Variants in RGP1 observed in about 807,000 individuals in gnomAD.
RGP1 encodes RAB6A-GEF complex partner protein 2.
A neutral mutation model predicts 44.5 loss-of-function variants in RGP1; 28 were observed. That is an observed-to-expected ratio of 0.63 (90% CI 0.47 to 0.86). The LOEUF (loss-of-function observed/expected upper bound fraction) is 0.86, where lower values mean the gene tolerates loss of function less well. RGP1 is among the 40% of genes least tolerant of loss of function. RGP1 has a pLI of 0.00. For synonymous variants in RGP1, 212 were observed against 196.7 expected (o/e 1.08, Z -0.65); for missense variants, 417 against 490.7 (o/e 0.85, Z 1.42).
intron 8 of RGP1, 110 bp downstream of exon 8, chr9:35,752,255 G>A (rs1570249): frequency 0.42 from 448,044 of 1,076,546 alleles, 94,681 homozygotes; most frequent in Middle Eastern, 0.49. Flanking sequence ...ACATACCCAC[G>A]TCTAGCCTCT....
At position 35,753,625 on chromosome 9, in the gene RGP1, A is replaced by G. The variant is rs370886353; in HGVS notation, c.*751A>G. On this transcript the variant is annotated 3_prime_UTR_variant, in exon 9 of 9. Coordinates refer to ENST00000378078, the MANE Select transcript of RGP1 (RefSeq NM_001080496.3). The surrounding 1 kb of genome is among the most constrained non-coding windows in gnomAD (Gnocchi z 4.2). ...TGGTCATCCCTCAGTCACTCATATC[A>G]GAGTCATTCTCTCTGGCCATCTTTG... 2.4e-5 allele frequency: 37 copies of G among 1,519,508 alleles called. No homozygotes were observed. In the African/African-American group the frequency reaches 4.5e-4, roughly 19 times the overall value. 94.1% of individuals were successfully genotyped at this position (1,519,508 alleles called of 1,614,324 possible). A position where few individuals can be genotyped will look rare whatever the true frequency, so the allele number is the denominator to read the frequency against.
chr9:35,749,465 G>A lies in RGP1; in HGVS notation c.-20+57G>A, dbSNP rs1827184976. 2.5e-5 allele frequency: 16 copies of A among 628,562 alleles called. No individual in the cohort carries two copies. The highest frequency in any genetic ancestry group is 2.7e-4 in the Middle Eastern group (1 of 3,704). 38.9% of individuals were successfully genotyped at this position (628,562 alleles called of 1,614,324 possible). The stretch of plus-strand genomic sequence containing the variant: ...GTGGAACTTTGAGGAAAGGGGGAGC[G>A]GAGGCCAGTTTGGGAACTCCGCGGG... On this transcript the variant is annotated intron_variant, in intron 1 of 8. Transcript: ENST00000378078. This position sits in a 1 kb window ranked among gnomAD's most constrained non-coding sequence, Gnocchi z 4.4.
chr9:35,754,107 G>T lies in RGP1; in HGVS notation c.*1233G>T. 1.2e-6 allele frequency: 2 copies of T among 1,613,414 alleles called. No homozygotes were observed. The highest frequency in any genetic ancestry group is 1.7e-6 in the Non-Finnish European group (2 of 1,179,640). The stretch of plus-strand genomic sequence containing the variant: ...TCCTAGGATCCCCTTGGCCTGTCCA[G>T]CCCAGAGCATCCTTAGGGCCATTGC... On this transcript the variant is annotated 3_prime_UTR_variant, in exon 9 of 9. Coordinates refer to ENST00000378078, the MANE Select transcript of RGP1 (RefSeq NM_001080496.3).
the RGP1 span, among the ~76,000 whole-genome samples, chr9:35,773,794 G>A: frequency 6.6e-6 from 1 of 151,754 alleles, no homozygotes; most frequent in Non-Finnish European, 1.5e-5. Flanking sequence ...GAGCCACCGA[G>A]CCCAGCCCCA....
the RGP1 span, among the ~76,000 whole-genome samples, chr9:35,782,277 TAGAA>T: frequency 6.6e-6 from 1 of 152,168 alleles, no homozygotes; most frequent in East Asian, 1.9e-4. Context: ...AAATAATTAT[TAGAA>T]GGAAGATTTA....
At chr9:35,765,982 C>A in the RGP1 span, among the ~76,000 whole-genome samples, 1 of 151,248 alleles carries the variant, frequency 6.6e-6, no homozygotes. Flanking sequence ...CTACAGGTAC[C>A]CGTCCCCATA....
the RGP1 span, among the ~76,000 whole-genome samples, chr9:35,789,646 C>T: frequency 4.0e-5 from 6 of 149,522 alleles, no homozygotes; most frequent in Admixed American, 1.3e-4. Context: ...ACATATGATG[C>T]ACTTGTACTT....
At chr9:35,762,734 A>C (rs530156181), downstream of RGP1, among the ~76,000 whole-genome samples, 21 of 152,302 alleles carry the variant, frequency 1.4e-4, no homozygotes, top group South Asian at 3.9e-3. Context: ...AATGAAGGCT[A>C]GCTGGGGCTC....
Position 35,749,326 on chromosome 9 carries a change from C to T in RGP1, c.-102C>T, listed in dbSNP as rs1278395574. 5.7e-6 allele frequency: 3 copies of T among 528,228 alleles called. No individual in the cohort carries two copies. The highest frequency in any genetic ancestry group is 1.4e-5 in the South Asian group (1 of 70,928). The allele number at this position is 528,228 out of a possible 1,614,324, so 32.7% of individuals were successfully genotyped here. ...CGCCCAGCGGACGCCGCCGCCGCCG[C>T]CGCCGCCGCGTACCTAGCCAGGTCC... On this transcript the variant is annotated 5_prime_UTR_variant, in exon 1 of 9. Coordinates refer to ENST00000378078, the MANE Select transcript of RGP1 (RefSeq NM_001080496.3). This position sits in a 1 kb window ranked among gnomAD's most constrained non-coding sequence, Gnocchi z 4.4.
chr9:35,789,758 G>A, the RGP1 span, among the ~76,000 whole-genome samples: 1 of 152,168 alleles, frequency 6.6e-6, no homozygotes, highest in African/African-American at 2.4e-5. Flanking sequence ...TGTAAGCACA[G>A]CTTTCTACAG....
At chr9:35,768,243 G>A in the RGP1 span, among the ~76,000 whole-genome samples, 1 of 151,830 alleles carries the variant, frequency 6.6e-6, no homozygotes, top group Non-Finnish European at 1.5e-5. Flanking sequence ...TGTGTTTTTT[G>A]TAGAGATGAG....
the RGP1 span, among the ~76,000 whole-genome samples, chr9:35,787,838 T>C: frequency 6.6e-6 from 1 of 152,272 alleles, no homozygotes; most frequent in African/African-American, 2.4e-5. Context: ...TACCTTTCTA[T>C]GGCTGTTCTC....
At chr9:35,772,983 C>T in the RGP1 span, among the ~76,000 whole-genome samples, 2 of 152,088 alleles carry the variant, frequency 1.3e-5, no homozygotes, top group African/African-American at 4.8e-5. Context: ...TAAGTGGAGA[C>T]TACAGACCTA....
rs1827381356 is a variant in RGP1 at position 35,757,864 on chromosome 9, A to C, written c.*4990A>C. On this transcript the variant is annotated 3_prime_UTR_variant, in exon 9 of 9. Coordinates refer to ENST00000378078, the MANE Select transcript of RGP1 (RefSeq NM_001080496.3). ...ATCTGCACATTTTTATAGTCATTTA[A>C]AATTGTATGACTCTGTCAAATGATT... The C allele has an allele frequency of 6.6e-6, 1 of 152,202 alleles. No individual in the cohort carries two copies. The highest frequency in any genetic ancestry group is 1.5e-5 in the Non-Finnish European group (1 of 68,042). The allele number at this position is 152,202 out of a possible 1,614,324, so 9.4% of individuals were successfully genotyped here.
At chr9:35,788,292 G>A in the RGP1 span, among the ~76,000 whole-genome samples, 1 of 152,192 alleles carries the variant, frequency 6.6e-6, no homozygotes, top group Non-Finnish European at 1.5e-5. Flanking sequence ...TTTGGGGCCG[G>A]GCGTGGTGGC....
In RGP1 at chr9:35,757,865, A is replaced by G. The variant is rs1315234405; in HGVS notation, c.*4991A>G. Reference sequence around the variant, plus strand: ...TCTGCACATTTTTATAGTCATTTAAAATTGTATGACTCTGTCAAATGATTT... The same window carrying G: ...TCTGCACATTTTTATAGTCATTTAAGATTGTATGACTCTGTCAAATGATTT... On this transcript the variant is annotated 3_prime_UTR_variant, in exon 9 of 9. Coordinates refer to ENST00000378078, the MANE Select transcript of RGP1 (RefSeq NM_001080496.3). The G allele has an allele frequency of 6.6e-6, 1 of 152,212 alleles. No homozygotes were observed. Among genetic ancestry groups the G allele is most frequent in the Non-Finnish European group, 1.5e-5 (1 of 68,034 alleles). The allele number at this position is 152,212 out of a possible 1,614,324, so 9.4% of individuals were successfully genotyped here.
In RGP1 at chr9:35,752,140, C is replaced by T; in HGVS notation, c.947C>T (p.Ala316Val). Residue 316 changes from alanine (A) to valine (V), a missense_variant, in exon 8 of 9, where the codon GCC (alanine) becomes GTC (valine). Coordinates refer to ENST00000378078, the MANE Select transcript of RGP1 (RefSeq NM_001080496.3). ...AGCTCCACCCCAGGCTTCTGTACAG[C>T]CATTGGTGAGACCCTCACTGTTACT... Reference protein sequence around the residue: ...PLSSTPGFCTAIVSLKWRLHF... With the variant: ...PLSSTPGFCTVIVSLKWRLHF... 2 of 1,557,028 alleles carry T rather than the reference C, an allele frequency of 1.3e-6. No homozygotes were observed. Among genetic ancestry groups the T allele is most frequent in the Non-Finnish European group, 1.7e-6 (2 of 1,153,214 alleles).
Position 35,749,722 on chromosome 9 carries a change from C to A in RGP1, c.-19-15C>A, listed in dbSNP as rs1375457565. 6.6e-7 allele frequency: 1 copy of A among 1,518,322 alleles called. No homozygotes were observed. The highest frequency in any genetic ancestry group is 9.1e-7 in the Non-Finnish European group (1 of 1,095,988). 94.1% of individuals were successfully genotyped at this position (1,518,322 alleles called of 1,614,324 possible). A position where few individuals can be genotyped will look rare whatever the true frequency, so the allele number is the denominator to read the frequency against. ...GTCAAGGTGCTGACCTCCGCCCCGCCTTGTTTCCTTCTAGATCTGATTCCG... is the reference window on the plus strand; with the variant it reads ...GTCAAGGTGCTGACCTCCGCCCCGCATTGTTTCCTTCTAGATCTGATTCCG... On this transcript the variant is annotated splice_polypyrimidine_tract_variant and intron_variant, in intron 1 of 8. Coordinates refer to ENST00000378078, the MANE Select transcript of RGP1 (RefSeq NM_001080496.3). This position sits in a 1 kb window ranked among gnomAD's most constrained non-coding sequence, Gnocchi z 4.4.
At position 35,752,003 on chromosome 9, in the gene RGP1, G is replaced by C; in HGVS notation, c.810G>C (p.Gln270His). ...QTEERVQPEY[Q>H]RRRGAGGVPS... ...AGGAGCGTGTACAGCCTGAGTACCA[G>C]CGGCGACGTGGGGCAGGGGGTGTCC... Residue 270 changes from glutamine (Q) to histidine (H), a missense_variant, in exon 8 of 9, where the codon CAG (glutamine) becomes CAC (histidine). Coordinates refer to ENST00000378078, the MANE Select transcript of RGP1 (RefSeq NM_001080496.3). 1 of 1,602,640 alleles carries C rather than the reference G, an allele frequency of 6.2e-7. No homozygotes were observed. Among genetic ancestry groups the C allele is most frequent in the Non-Finnish European group, 8.5e-7 (1 of 1,174,320 alleles).
Sources: allele counts gnomAD v4.1 joint callset (sites outside exome capture counted in the v4.1 genomes callset), GRCh38; gene constraint gnomAD v4.1.1; non-coding constraint Gnocchi (gnomAD v3.1); transcripts MANE v1.5; gene names NCBI Gene and HGNC (gene_info 2026-07-23, HGNC 2026-07-21).